Variants in OTOA observed in about 807,000 individuals in gnomAD.
OTOA encodes otoancorin, also known as cancer/testis antigen 108.
A neutral mutation model predicts 110.8 loss-of-function variants in OTOA; 70 were observed. The ratio of observed to expected loss-of-function variants is 0.63; its 90% CI spans 0.52 to 0.77. OTOA has a LOEUF of 0.77. Among genes scored for constraint, OTOA ranks in the 30% least tolerant of loss-of-function variants. The probability of loss-of-function intolerance (pLI) is 0.00; values close to 1 mark genes in which losing one functional copy is unlikely to be tolerated. For synonymous variants in OTOA, 373 were observed against 431.5 expected, an observed-to-expected ratio of 0.86 and a Z score of 1.68; for missense variants, 917 against 1,075.8, an observed-to-expected ratio of 0.85 and a Z score of 2.06.
intron 6 of OTOA, among the ~76,000 whole-genome samples, chr16:21,683,783 T>C (rs1966942235): frequency 6.6e-6 from 1 of 151,878 alleles, no homozygotes; most frequent in African/African-American, 2.4e-5. Context: ...TTTTTTTTTT[T>C]TTTGAGACAG....
In OTOA at chr16:21,709,932, C is replaced by G; in HGVS notation, c.1149C>G (p.Leu383=). 1 of 1,614,026 alleles carries G rather than the reference C, an allele frequency of 6.2e-7. No individual in the cohort carries two copies. Among genetic ancestry groups the G allele is most frequent in the African/African-American group, 1.3e-5 (1 of 74,996 alleles). The change falls in exon 13 of 29, where the codon CTC becomes CTG. Residue 383 remains leucine (L), a synonymous_variant. Transcript: ENST00000646100. ...ACATTGCCATGGAGAACCAGACCCT[C>G]AATGAGACCCTGGGTTCTTTGTCGG... ...LLDIAMENQT[L]NETLGSLSDA...
At chr16:21,723,719 G>C (rs1898832587) in intron 18 of OTOA, among the ~76,000 whole-genome samples, 1 of 152,154 alleles carries the variant, frequency 6.6e-6, no homozygotes. Context: ...GCTCGATCTA[G>C]GGGTGCAAAT....
chr16:21,722,884 C>T (rs373393551), intron 17 of OTOA, 21 bp from the exon 18 acceptor site: 28 of 1,610,526 alleles, frequency 1.7e-5, no homozygotes, highest in Non-Finnish European at 2.1e-5. Flanking sequence ...ATTAAATCCC[C>T]AGAACTGCTT....
intron 22 of OTOA, among the ~76,000 whole-genome samples, chr16:21,737,796 A>T (rs1380080636): frequency 1.3e-5 from 2 of 152,216 alleles, no homozygotes; most frequent in African/African-American, 4.8e-5. Context: ...GGGATTATAG[A>T]TGTGAGCTAC....
At chr16:21,683,136 A>C (rs1417264822) in intron 6 of OTOA, among the ~76,000 whole-genome samples, 1 of 152,204 alleles carries the variant, frequency 6.6e-6, no homozygotes, top group Non-Finnish European at 1.5e-5. Flanking sequence ...CTGAGGACTC[A>C]GTAGGGAACA....
At chr16:21,731,290 A>G (rs1018576477) in intron 21 of OTOA, among the ~76,000 whole-genome samples, 2 of 152,260 alleles carry the variant, frequency 1.3e-5, no homozygotes, top group African/African-American at 4.8e-5. Context: ...ATGCAATCAC[A>G]TGTGCAAGCA....
intron 19 of OTOA, 96 bp from the exon 20 acceptor site, chr16:21,728,145 A>C: frequency 6.7e-7 from 1 of 1,499,846 alleles, no homozygotes; most frequent in Non-Finnish European, 9.3e-7. Flanking sequence ...GATTATAGGC[A>C]TAAGCCACAG....
At chr16:21,702,480 C>T (rs1046281047) in intron 11 of OTOA, among the ~76,000 whole-genome samples, 3 of 152,108 alleles carry the variant, frequency 2.0e-5, no homozygotes, top group East Asian at 1.9e-4. Flanking sequence ...CATGGGACCT[C>T]GAGCCAGACT....
intron 10 of OTOA, among the ~76,000 whole-genome samples, chr16:21,700,570 C>T (rs1479325255): frequency 6.6e-6 from 1 of 151,780 alleles, no homozygotes; most frequent in East Asian, 1.9e-4. Context: ...ACTAAAAATA[C>T]AAATATTAGC....
At chr16:21,679,625 A>G (rs1230580132) in intron 5 of OTOA, among the ~76,000 whole-genome samples, 1 of 151,954 alleles carries the variant, frequency 6.6e-6, no homozygotes, top group African/African-American at 2.4e-5. Context: ...GGCTGGTCTC[A>G]AACTCCTGAC....
Position 21,679,016 on chromosome 16 carries a change from G to A in OTOA, c.121-20G>A, listed in dbSNP as rs7187792. The A allele has an allele frequency of 9.6e-4, 1,549 of 1,613,904 alleles. 17 individuals carry two copies. In the African/African-American group the frequency reaches 0.017, roughly 18 times the overall value. On this transcript the variant is annotated intron_variant, in intron 3 of 28. Transcript: ENST00000646100. ...CCAACTTTTGGTTGTTATACTTGAT[G>A]TTATCTCTTTGCCTTTTAGGAAGAA...
Position 21,691,608 on chromosome 16 carries a change from C to T in OTOA, c.660C>T (p.Tyr220=), listed in dbSNP as rs139292090. The T allele has an allele frequency of 6.8e-5, 110 of 1,613,792 alleles. No homozygotes were observed. In the African/African-American group the frequency reaches 7.3e-4, roughly 11 times the overall value. The change falls in exon 9 of 29, where the codon TAC becomes TAT. Residue 220 remains tyrosine (Y), a synonymous_variant. Coordinates refer to ENST00000646100, the MANE Select transcript of OTOA (RefSeq NM_144672.4). ...KNLSAVFKDL[Y]DKTSAHSQRA... ...GATCTGCAGTGTTCAAAGATCTCTA[C>T]GACAAAACCTCGGCTCATTCCCAGA...
At chr16:21,673,233 C>T (rs1382721949) in intron 1 of OTOA, among the ~76,000 whole-genome samples, 1 of 152,146 alleles carries the variant, frequency 6.6e-6, no homozygotes, top group African/African-American at 2.4e-5. Context: ...CACCCAGTTT[C>T]CCCCATTGGT....
At chr16:21,703,673 A>C (rs1898097308) in intron 11 of OTOA, among the ~76,000 whole-genome samples, 2 of 152,248 alleles carry the variant, frequency 1.3e-5, no homozygotes, top group Admixed American at 6.5e-5. Flanking sequence ...ACACACTTTC[A>C]AATCTTTTCC....
chr16:21,692,941 A>AAG (rs1229789533), intron 9 of OTOA, among the ~76,000 whole-genome samples: 1 of 149,702 alleles, frequency 6.7e-6, no homozygotes, highest in African/African-American at 2.5e-5. Context: ...AAAAAAAAAA[A>AAG]AAAAGAAAGA....
At chr16:21,714,905 G>A in intron 13 of OTOA, 80 bp from the exon 14 acceptor site, 5 of 1,576,282 alleles carry the variant, frequency 3.2e-6, no homozygotes, top group Non-Finnish European at 4.3e-6. Context: ...CCCTATACTT[G>A]GCACATAGAT....
chr16:21,688,850 A>G (rs1052859969), intron 8 of OTOA, among the ~76,000 whole-genome samples: 1 of 152,190 alleles, frequency 6.6e-6, no homozygotes, highest in Non-Finnish European at 1.5e-5. Context: ...AAACGCAAAC[A>G]TTCAGTCCAC....
chr16:21,691,696 GT>G lies in OTOA; in HGVS notation c.739+10del. The stretch of plus-strand genomic sequence containing the variant: ...ATCCTCCAATGCCACTGGTGAGCCT[GT>G]ACTTGGAGGTGGGGTCACTTTTTGG... On this transcript the variant is annotated intron_variant, in intron 9 of 28. Coordinates refer to ENST00000646100, the MANE Select transcript of OTOA (RefSeq NM_144672.4). 1.6e-5 allele frequency: 25 copies of G among 1,608,014 alleles called. No homozygotes were observed. Among genetic ancestry groups the G allele is most frequent in the Non-Finnish European group, 2.1e-5 (25 of 1,174,672 alleles).
At chr16:21,699,828 A>G (rs910040459) in intron 10 of OTOA, among the ~76,000 whole-genome samples, 1 of 152,150 alleles carries the variant, frequency 6.6e-6, no homozygotes, top group Non-Finnish European at 1.5e-5. Flanking sequence ...CTGAGGCAGG[A>G]GTATCACTTG....
Sources: allele counts gnomAD v4.1 joint callset (sites outside exome capture counted in the v4.1 genomes callset), GRCh38; gene constraint gnomAD v4.1.1; transcripts MANE v1.5; gene names NCBI Gene and HGNC (gene_info 2026-07-23, HGNC 2026-07-21).